Variants in IPCEF1 observed in about 807,000 individuals in gnomAD.
IPCEF1 encodes interactor protein for cytohesin exchange factors 1.
Under a neutral mutation model 50.9 loss-of-function variants are expected in IPCEF1, and 31 were observed. That is an observed-to-expected ratio of 0.61 (90% CI 0.46 to 0.82). The LOEUF (loss-of-function observed/expected upper bound fraction) is 0.82. IPCEF1 is among the 40% of genes least tolerant of loss of function. The pLI, the probability that IPCEF1 is intolerant of heterozygous loss-of-function variation, is 0.00. For synonymous variants in IPCEF1, 181 were observed against 192.0 expected, an observed-to-expected ratio of 0.94 and a Z score of 0.47; for missense variants, 458 against 514.0, an observed-to-expected ratio of 0.89 and a Z score of 1.05.
At chr6:154,279,825 G>A (rs1782161955) in intron 2 of IPCEF1, among the ~76,000 whole-genome samples, 1 of 152,176 alleles carries the variant, frequency 6.6e-6, no homozygotes, top group African/African-American at 2.4e-5. Flanking sequence ...GTAAGGAACA[G>A]GCAGAAAACC....
intron 11 of IPCEF1, among the ~76,000 whole-genome samples, chr6:154,164,640 A>G (rs1462050586): frequency 6.6e-6 from 1 of 152,174 alleles, no homozygotes; most frequent in East Asian, 1.9e-4. Flanking sequence ...TTTTACTCCA[A>G]ATAGTCAGTG....
intron 1 of IPCEF1, among the ~76,000 whole-genome samples, chr6:154,296,147 G>C (rs1010648126): frequency 1.3e-5 from 2 of 152,202 alleles, no homozygotes; most frequent in African/African-American, 4.8e-5. Flanking sequence ...GGGAGATAGG[G>C]AAGAAAGGAA....
At chr6:154,304,617 G>C (rs1203399756) in intron 1 of IPCEF1, among the ~76,000 whole-genome samples, 1 of 152,094 alleles carries the variant, frequency 6.6e-6, no homozygotes, top group Non-Finnish European at 1.5e-5. Flanking sequence ...GTAAGTATTT[G>C]GATCAAAAGC....
intron 3 of IPCEF1, among the ~76,000 whole-genome samples, chr6:154,259,022 A>T (rs1781529703): frequency 6.6e-6 from 1 of 152,242 alleles, no homozygotes; most frequent in African/African-American, 2.4e-5. Context: ...ACTTTGACAG[A>T]TGTCTGCAAA....
intron 5 of IPCEF1, among the ~76,000 whole-genome samples, chr6:154,237,151 A>T (rs1780198710): frequency 6.6e-6 from 1 of 152,188 alleles, no homozygotes; most frequent in Non-Finnish European, 1.5e-5. Context: ...ACAGATGATA[A>T]ATCTTCAAAT....
At chr6:154,301,986 T>C (rs573752759) in intron 1 of IPCEF1, among the ~76,000 whole-genome samples, 17 of 152,234 alleles carry the variant, frequency 1.1e-4, no homozygotes, top group Non-Finnish European at 2.4e-4. Flanking sequence ...TGAGCGCTCA[T>C]GGAGTTTTGC....
Position 154,159,672 on chromosome 6 carries a change from CG to C in IPCEF1, c.*155del. Reference sequence around the variant, plus strand: ...CTGAAATGAGGAGCCCTGGTGTATTCGGTGATTATCTTCATCTAACGTGCAT... The same window carrying C: ...CTGAAATGAGGAGCCCTGGTGTATTCGTGATTATCTTCATCTAACGTGCAT... On this transcript the variant is annotated 3_prime_UTR_variant, in exon 12 of 12. Coordinates refer to ENST00000367220, the MANE Select transcript of IPCEF1 (RefSeq NM_001130700.2). 3.1e-6 allele frequency: 2 copies of C among 644,230 alleles called. No individual in the cohort carries two copies. The highest frequency in any genetic ancestry group is 3.7e-5 in the South Asian group (2 of 54,734). 39.9% of individuals were successfully genotyped at this position (644,230 alleles called of 1,614,324 possible). A position where few individuals can be genotyped will look rare whatever the true frequency, so the allele number is the denominator to read the frequency against.
At chr6:154,280,847 A>AT (rs970061563) in intron 2 of IPCEF1, among the ~76,000 whole-genome samples, 4 of 152,070 alleles carry the variant, frequency 2.6e-5, no homozygotes, top group African/African-American at 7.2e-5. Context: ...TAGCTATTCC[A>AT]TTTTTTTCAT....
rs118173744 is a variant in IPCEF1, at chr6:154,354,415, A to T, written c.-62+2257T>A. 3.6e-3 allele frequency among the ~76,000 whole-genome samples: 169 copies of T among 46,656 alleles called. 1 individual carries two copies. Among genetic ancestry groups the T allele is most frequent in the East Asian group, 0.016 (40 of 2,518 alleles). The allele number at this position is 46,656 out of a possible 152,430, so 30.6% of individuals were successfully genotyped here. A position where few individuals can be genotyped will look rare whatever the true frequency, so the allele number is the denominator to read the frequency against. ...ACCTCCAACCACCATCTCCACCACC[A>T]CCTCCACCACCACCTCCACCATCTC... On this transcript the variant is annotated intron_variant, in intron 1 of 11. Transcript: ENST00000367220.
chr6:154,242,909 T>C (rs1452800100), intron 5 of IPCEF1, among the ~76,000 whole-genome samples: 2 of 133,050 alleles, frequency 1.5e-5, no homozygotes, highest in Non-Finnish European at 1.6e-5. Flanking sequence ...AAGAAAAGTA[T>C]AGGCCACTCA....
At position 154,199,887 on chromosome 6, in the gene IPCEF1, C is replaced by T. The variant is rs146319173; in HGVS notation, c.691G>A (p.Ala231Thr). 1,114 of 1,614,062 alleles carry T rather than the reference C, an allele frequency of 6.9e-4. 1 individual carries two copies. Among genetic ancestry groups the T allele is most frequent in the Non-Finnish European group, 8.3e-4 (977 of 1,180,028 alleles). The part of the protein sequence containing the change: ...SLPDTVNSLS[A>T]AEDEGQPITF... Reference sequence around the variant, plus strand: ...ATTGGTTGTCCCTCATCTTCAGCAGCAGACAAACTGTTAACTGTGTCAGGC... The same window carrying T: ...ATTGGTTGTCCCTCATCTTCAGCAGTAGACAAACTGTTAACTGTGTCAGGC... Residue 231 changes from alanine to threonine, a missense_variant, in exon 10 of 12, where the codon GCT becomes ACT. Ala to Thr is a moderately conservative substitution (Grantham distance 58, BLOSUM62 0). Coordinates refer to ENST00000367220, the MANE Select transcript of IPCEF1 (RefSeq NM_001130700.2).
At chr6:154,176,721 T>C (rs909291500) in intron 10 of IPCEF1, among the ~76,000 whole-genome samples, 3 of 152,168 alleles carry the variant, frequency 2.0e-5, no homozygotes, top group Admixed American at 1.3e-4. Context: ...GAAGAATCAA[T>C]ATCATGAAAA....
chr6:154,247,615 C>T (rs1046838446), intron 3 of IPCEF1, 127 bp from the exon 4 acceptor site: 8 of 676,010 alleles, frequency 1.2e-5, no homozygotes, highest in Admixed American at 5.1e-5. Context: ...ACTCTCCAGG[C>T]AGAGCTTAAC....
At chr6:154,320,160 A>G (rs1171671471) in intron 1 of IPCEF1, among the ~76,000 whole-genome samples, 3 of 152,262 alleles carry the variant, frequency 2.0e-5, no homozygotes, top group Admixed American at 2.0e-4. Context: ...GTGAAAAAGA[A>G]TGAAAACAAA....
At chr6:154,312,373 G>A (rs973618270) in intron 1 of IPCEF1, among the ~76,000 whole-genome samples, 2 of 152,016 alleles carry the variant, frequency 1.3e-5, no homozygotes, top group East Asian at 3.9e-4. Context: ...TTGAGACAAA[G>A]TCTTGCTCTG....
intron 1 of IPCEF1, among the ~76,000 whole-genome samples, chr6:154,341,837 TATA>T (rs1471678778): frequency 9.9e-5 from 15 of 152,214 alleles, no homozygotes; most frequent in Non-Finnish European, 1.9e-4. Context: ...CTTAATAATT[TATA>T]ATGTCTGTAT....
intron 10 of IPCEF1, among the ~76,000 whole-genome samples, chr6:154,180,414 A>ATATATATATATATATATT (rs1241250621): frequency 1.5e-5 from 1 of 65,268 alleles, no homozygotes; most frequent in South Asian, 3.9e-4. Context: ...ATATATATAT[A>ATATATATATATATATATT]TTTTTTTTTT....
At chr6:154,223,910 A>C (rs1180639282) in intron 5 of IPCEF1, among the ~76,000 whole-genome samples, 1 of 152,250 alleles carries the variant, frequency 6.6e-6, no homozygotes, top group Non-Finnish European at 1.5e-5. Context: ...TGCATAAGAA[A>C]ATTATATTTA....
At chr6:154,199,352 G>A (rs549022349) in intron 10 of IPCEF1, among the ~76,000 whole-genome samples, 3 of 152,346 alleles carry the variant, frequency 2.0e-5, no homozygotes, top group East Asian at 3.9e-4. Context: ...AGGCTCCAGC[G>A]CATGGGACAT....
Sources: allele counts gnomAD v4.1 joint callset (sites outside exome capture counted in the v4.1 genomes callset), GRCh38; gene constraint gnomAD v4.1.1; transcripts MANE v1.5; gene names NCBI Gene and HGNC (gene_info 2026-07-23, HGNC 2026-07-21).